Variants in TLN2 observed in about 807,000 individuals in gnomAD.
TLN2 encodes talin 2.
TLN2 carries 118 observed loss-of-function variants against 294.7 expected under a neutral mutation model. The ratio of observed to expected loss-of-function variants is 0.40; its 90% CI spans 0.34 to 0.47. The LOEUF is 0.47. TLN2 is among the 20% of genes least tolerant of loss of function. TLN2 has a pLI of 0.84. For missense variants in TLN2, 3,083 were observed against 3,282.2 expected (o/e 0.94, Z 1.48); for synonymous variants, 1,431 against 1,304.5 (o/e 1.10, Z -2.09).
chr15:62,487,957 A>C (rs1282102754), intron 1 of TLN2, among the ~76,000 whole-genome samples: 1 of 151,984 alleles, frequency 6.6e-6, no homozygotes, highest in Non-Finnish European at 1.5e-5. Flanking sequence ...ACGTGCCTGT[A>C]GTCCCAACTA....
chr15:62,397,453 C>T (rs748125540), intron 1 of TLN2, among the ~76,000 whole-genome samples: 1 of 152,040 alleles, frequency 6.6e-6, no homozygotes, highest in African/African-American at 2.4e-5. Context: ...TTGTAGAGAC[C>T]ATGTCTCACT....
At chr15:62,828,571 CTG>C (rs773556763) in intron 54 of TLN2, 3 of 152,194 alleles carry the variant, frequency 2.0e-5, no homozygotes, top group Non-Finnish European at 4.4e-5. Flanking sequence ...ATGTCACAAA[CTG>C]TGAATTCCAG....
intron 54 of TLN2, chr15:62,832,343 C>G (rs535974354): frequency 6.6e-6 from 1 of 152,266 alleles, no homozygotes; most frequent in African/African-American, 2.4e-5. Context: ...TCTCTCAATG[C>G]CTGAAAGGTA....
At chr15:62,545,908 T>A (rs2041970298) in intron 1 of TLN2, among the ~76,000 whole-genome samples, 1 of 152,044 alleles carries the variant, frequency 6.6e-6, no homozygotes, top group Admixed American at 6.6e-5. Flanking sequence ...TGGGAGAGAG[T>A]GCCAGAAGAG....
intron 1 of TLN2, among the ~76,000 whole-genome samples, chr15:62,508,031 C>T (rs1056248493): frequency 1.3e-5 from 2 of 150,984 alleles, no homozygotes; most frequent in Admixed American, 6.6e-5. Flanking sequence ...TGTATGTATT[C>T]TGGAATCACC....
intron 54 of TLN2, chr15:62,828,188 G>T (rs1231941645): frequency 6.6e-6 from 1 of 152,360 alleles, no homozygotes; most frequent in African/African-American, 2.4e-5. Context: ...GGGTGAGCAA[G>T]GAAGGTCAGC....
At chr15:62,664,876 A>AAAAAAAAG in intron 9 of TLN2, among the ~76,000 whole-genome samples, 1 of 149,444 alleles carries the variant, frequency 6.7e-6, no homozygotes, top group Non-Finnish European at 1.5e-5. Context: ...AAAAAAAAAA[A>AAAAAAAAG]AAGTGGCTAC....
chr15:62,510,059 A>G (rs2039849584), intron 1 of TLN2, among the ~76,000 whole-genome samples: 1 of 152,242 alleles, frequency 6.6e-6, no homozygotes, highest in Admixed American at 6.5e-5. Flanking sequence ...GGATCTTCCC[A>G]GTAGTCTGTA....
At chr15:62,423,776 C>T (rs560661975) in intron 1 of TLN2, among the ~76,000 whole-genome samples, 1 of 152,158 alleles carries the variant, frequency 6.6e-6, no homozygotes. Context: ...GACTGGGTTT[C>T]TCCATGTTGG....
At chr15:62,766,265 G>A in intron 40 of TLN2, 56 bp from the exon 41 acceptor site, 1 of 1,480,950 alleles carries the variant, frequency 6.8e-7, no homozygotes, top group Non-Finnish European at 9.4e-7. Context: ...TTTTGAATCA[G>A]TGCAGCTCTG....
chr15:62,442,663 A>C (rs537355403), intron 1 of TLN2, among the ~76,000 whole-genome samples: 2 of 152,052 alleles, frequency 1.3e-5, no homozygotes, highest in Non-Finnish European at 2.9e-5. Context: ...ATAATAGAAA[A>C]AAAAAATTTG....
chr15:62,727,245 G>T (rs959310951), intron 28 of TLN2, 56 bp downstream of exon 28: 2 of 1,488,910 alleles, frequency 1.3e-6, no homozygotes, highest in South Asian at 2.4e-5. Flanking sequence ...TGGGTGTAGT[G>T]GGGGAGGAGG....
intron 1 of TLN2, among the ~76,000 whole-genome samples, chr15:62,447,943 A>C (rs1066669): frequency 0.64 from 96,876 of 152,048 alleles, 31,979 homozygotes; most frequent in East Asian, 0.99. Flanking sequence ...TGCTCGTGAC[A>C]CCAGAATAGA....
chr15:62,762,520 C>A, intron 39 of TLN2, 67 bp downstream of exon 39: 1 of 1,542,674 alleles, frequency 6.5e-7, no homozygotes, highest in South Asian at 1.2e-5. Flanking sequence ...GATAAGCCCA[C>A]CAGGCTTTTT....
intron 2 of TLN2, among the ~76,000 whole-genome samples, chr15:62,611,664 C>G (rs982286571): frequency 6.6e-6 from 1 of 152,136 alleles, no homozygotes; most frequent in South Asian, 2.1e-4. Flanking sequence ...CCCTCACTAC[C>G]CAGAGGGATC....
chr15:62,455,312 G>C (rs9920908), intron 1 of TLN2, among the ~76,000 whole-genome samples: 1,838 of 152,136 alleles, frequency 0.012, 41 homozygotes, highest in African/African-American at 0.042. Flanking sequence ...GGGGTTCCTG[G>C]AGGTGCACTT....
chr15:62,689,632 A>G (rs1595665316), intron 12 of TLN2, among the ~76,000 whole-genome samples: 7 of 151,810 alleles, frequency 4.6e-5, no homozygotes, highest in Admixed American at 4.6e-4. Flanking sequence ...TCATTCATGA[A>G]GGATAATTTT....
At chr15:62,739,124 G>A (rs2061181686) in intron 30 of TLN2, among the ~76,000 whole-genome samples, 1 of 152,202 alleles carries the variant, frequency 6.6e-6, no homozygotes, top group Admixed American at 6.5e-5. Context: ...TAGATCCACA[G>A]TGTCTAGCAC....
chr15:62,564,943 C>T (rs1330720986), intron 1 of TLN2, among the ~76,000 whole-genome samples: 8 of 118,836 alleles, frequency 6.7e-5, no homozygotes, highest in African/African-American at 2.0e-4. Context: ...TATATATATA[C>T]TGCATTCCCC....
Sources: gnomAD v4.1 joint callset for allele counts (sites outside exome capture counted in the v4.1 genomes callset) on GRCh38, gnomAD v4.1.1 for gene constraint, MANE v1.5 for transcripts, NCBI Gene and HGNC (gene_info 2026-07-23, HGNC 2026-07-21) for gene names.